Variants in RIPOR2 observed in about 807,000 individuals in gnomAD.
The protein encoded by RIPOR2 is rho family-interacting cell polarization regulator 2.
Under a neutral mutation model 114.5 loss-of-function variants are expected in RIPOR2, and 39 were observed. The observed-to-expected ratio is 0.34, with a 90% confidence interval of 0.26 to 0.44. RIPOR2 has a LOEUF of 0.44. Ranked by LOEUF, RIPOR2 falls within the 20% of genes least tolerant of loss-of-function variation. The pLI is 1.00. For synonymous variants in RIPOR2, 445 were observed against 484.4 expected, an observed-to-expected ratio of 0.92 and a Z score of 1.07; for missense variants, 1,007 against 1,255.1, an observed-to-expected ratio of 0.80 and a Z score of 2.99.
At chr6:24,950,163 C>A (rs1772675203) in intron 1 of RIPOR2, among the ~76,000 whole-genome samples, 1 of 152,078 alleles carries the variant, frequency 6.6e-6, no homozygotes, top group Non-Finnish European at 1.5e-5. Context: ...TGGAAGAGCA[C>A]CTAGTAGTGT....
chr6:24,862,218 T>C (rs1453873211), intron 7 of RIPOR2, among the ~76,000 whole-genome samples: 3 of 152,244 alleles, frequency 2.0e-5, no homozygotes, highest in African/African-American at 4.8e-5. Flanking sequence ...TTCTGCTGCT[T>C]GACCAGCTTA....
At chr6:24,948,608 C>T (rs377251141) in intron 1 of RIPOR2, among the ~76,000 whole-genome samples, 101 of 151,964 alleles carry the variant, frequency 6.6e-4, no homozygotes, top group African/African-American at 2.4e-3. Context: ...CTCGGTTCAC[C>T]GCAACCTCTG....
chr6:24,934,495 T>G (rs1446569113), intron 1 of RIPOR2, among the ~76,000 whole-genome samples: 1 of 152,212 alleles, frequency 6.6e-6, no homozygotes, highest in African/African-American at 2.4e-5. Context: ...ATCAAAATAT[T>G]AACCATGATT....
intron 12 of RIPOR2, among the ~76,000 whole-genome samples, chr6:24,846,242 C>T (rs1338035760): frequency 6.6e-6 from 1 of 150,602 alleles, no homozygotes; most frequent in Admixed American, 6.6e-5. Context: ...TTCCCCCATA[C>T]AATCTTCCCA....
intron 7 of RIPOR2, among the ~76,000 whole-genome samples, chr6:24,862,809 C>A (rs997722310): frequency 6.6e-6 from 1 of 151,034 alleles, no homozygotes; most frequent in African/African-American, 2.4e-5. Flanking sequence ...CTGGCACCCC[C>A]CCACCACCCA....
At chr6:25,012,905 G>C (rs1242642958) in intron 1 of RIPOR2, among the ~76,000 whole-genome samples, 1 of 151,962 alleles carries the variant, frequency 6.6e-6, no homozygotes, top group Non-Finnish European at 1.5e-5. Context: ...CAACAAAGTT[G>C]TTTTAAAAAA....
intron 8 of RIPOR2, among the ~76,000 whole-genome samples, chr6:24,852,910 T>A (rs1300154293): frequency 2.6e-5 from 4 of 152,126 alleles, no homozygotes; most frequent in African/African-American, 9.7e-5. Context: ...AAGATCCAAG[T>A]GGATTCTAGG....
At chr6:25,005,689 A>G (rs1775518922) in intron 1 of RIPOR2, among the ~76,000 whole-genome samples, 1 of 115,436 alleles carries the variant, frequency 8.7e-6, no homozygotes, top group East Asian at 2.5e-4. Flanking sequence ...TAAAATCCCT[A>G]TGGAGATATA....
In RIPOR2 at chr6:24,843,534, G is replaced by A; in HGVS notation, c.1185C>T (p.Ile395=). The part of the protein sequence containing the change: ...HSFFSNLPDD[I]FENGKAAEEK... ...CCTCGGCTGCCTTTCCATTTTCAAA[G>A]ATGTCATCAGGTAGATTTGACTATA... The change falls in exon 13 of 22, where the codon ATC becomes ATT. Residue 395 remains isoleucine (I), a synonymous_variant. Transcript: ENST00000643898. 1 of 1,523,646 alleles carries A rather than the reference G, an allele frequency of 6.6e-7. No homozygotes were observed. Among genetic ancestry groups the A allele is most frequent in the Non-Finnish European group, 8.8e-7 (1 of 1,135,124 alleles). The allele number at this position is 1,523,646 out of a possible 1,614,324, so 94.4% of individuals were successfully genotyped here.
At chr6:24,971,424 C>G (rs183090637) in intron 1 of RIPOR2, among the ~76,000 whole-genome samples, 1 of 152,368 alleles carries the variant, frequency 6.6e-6, no homozygotes, top group Admixed American at 6.5e-5. Context: ...GATTAACTAG[C>G]TGAATGCCAA....
intron 1 of RIPOR2, among the ~76,000 whole-genome samples, chr6:24,998,566 A>G (rs1488539607): frequency 1.3e-5 from 2 of 152,208 alleles, no homozygotes; most frequent in Admixed American, 6.5e-5. Flanking sequence ...CTTTGTTTCC[A>G]TGTTCAAAGC....
intron 2 of RIPOR2, among the ~76,000 whole-genome samples, chr6:24,874,428 T>A (rs192206832): frequency 2.0e-5 from 3 of 152,306 alleles, no homozygotes; most frequent in Admixed American, 6.5e-5. Context: ...GTCTTTGTAA[T>A]CATCTTGTGT....
In RIPOR2 at chr6:24,850,863, G is replaced by A. The variant is rs189155228; in HGVS notation, c.760-141C>T. On this transcript the variant is annotated intron_variant, in intron 9 of 21. Coordinates refer to ENST00000643898, the MANE Select transcript of RIPOR2 (RefSeq NM_001286445.3). ...CTCTCCCTCCACCCCCTTACTCTTGGGTGTGAATGGAGCTGGGGATGAGTG... is the reference window on the plus strand; with the variant it reads ...CTCTCCCTCCACCCCCTTACTCTTGAGTGTGAATGGAGCTGGGGATGAGTG... 25 of 956,144 alleles carry A rather than the reference G, an allele frequency of 2.6e-5. 1 individual carries two copies. In the Admixed American group the frequency reaches 5.1e-4, roughly 20 times the overall value. The allele number at this position is 956,144 out of a possible 1,614,324, so 59.2% of individuals were successfully genotyped here.
intron 1 of RIPOR2, among the ~76,000 whole-genome samples, chr6:24,921,502 T>C (rs1281699539): frequency 6.6e-6 from 1 of 151,934 alleles, no homozygotes; most frequent in Non-Finnish European, 1.5e-5. Context: ...TCACATTGGT[T>C]TCCTTACTAT....
At chr6:24,900,267 T>G (rs1452328204) in intron 1 of RIPOR2, among the ~76,000 whole-genome samples, 1 of 152,042 alleles carries the variant, frequency 6.6e-6, no homozygotes, top group Non-Finnish European at 1.5e-5. Flanking sequence ...ACGGCCTAGG[T>G]TTAAAACCAA....
At chr6:24,982,689 A>C (rs1774348279) in intron 1 of RIPOR2, among the ~76,000 whole-genome samples, 1 of 152,218 alleles carries the variant, frequency 6.6e-6, no homozygotes, top group South Asian at 2.1e-4. Context: ...TTCGTTTGTC[A>C]GATAGTCATA....
chr6:24,945,623 A>G (rs614900), intron 1 of RIPOR2, among the ~76,000 whole-genome samples: 7,702 of 152,284 alleles, frequency 0.051, 331 homozygotes, highest in African/African-American at 0.11. Flanking sequence ...GGGAATGAGT[A>G]GAGTGATAGA....
rs148221058 is a variant in RIPOR2 at position 24,844,720 on chromosome 6, G to A, written c.1165-1166C>T. Among the ~76,000 whole-genome samples the A allele has an allele frequency of 3.6e-3, 547 of 151,908 alleles. 2 individuals carry two copies. Among genetic ancestry groups the A allele is most frequent in the African/African-American group, 0.012 (485 of 41,432 alleles). ...TCAAACTCCTGACCTCAGGTGATCC[G>A]CCTGCCTCAGCCTCCCAAAGTGCTG... On this transcript the variant is annotated intron_variant, in intron 12 of 21. Coordinates refer to ENST00000643898, the MANE Select transcript of RIPOR2 (RefSeq NM_001286445.3).
chr6:24,831,839 A>G (rs1164849902), intron 16 of RIPOR2, among the ~76,000 whole-genome samples: 1 of 152,294 alleles, frequency 6.6e-6, no homozygotes, highest in South Asian at 2.1e-4. Flanking sequence ...GTTTGCATCC[A>G]TGTATTTGTA....
Sources: gnomAD v4.1 joint callset for allele counts (sites outside exome capture counted in the v4.1 genomes callset) on GRCh38, gnomAD v4.1.1 for gene constraint, MANE v1.5 for transcripts, NCBI Gene and HGNC (gene_info 2026-07-23, HGNC 2026-07-21) for gene names.